GPR157: variants seen among roughly 807,000 people sequenced by gnomAD.
GPR157 encodes the protein G protein-coupled receptor 157.
In GPR157, 16 loss-of-function variants were observed where a neutral mutation model predicts 23.5. That is an observed-to-expected ratio of 0.68 (90% CI 0.46 to 1.04). GPR157 has a LOEUF of 1.04. Among genes scored for constraint, GPR157 ranks in the 50% least tolerant of loss-of-function variants. The pLI, the probability that GPR157 is intolerant of heterozygous loss-of-function variation, is 0.00. For synonymous variants in GPR157, 200 were observed against 221.5 expected (o/e 0.90, Z 0.86); for missense variants, 440 against 460.7 (o/e 0.96, Z 0.41).
At chr1:9,124,219 C>G (rs972151131) in intron 1 of GPR157, among the ~76,000 whole-genome samples, 1 of 152,122 alleles carries the variant, frequency 6.6e-6, no homozygotes, top group Non-Finnish European at 1.5e-5. Context: ...GAGTCTTGGA[C>G]TGGGTCAGAA....
chr1:9,123,567 A>C (rs1302852831), intron 1 of GPR157, among the ~76,000 whole-genome samples: 1 of 79,266 alleles, frequency 1.3e-5, no homozygotes, highest in Non-Finnish European at 2.4e-5. Flanking sequence ...ATATTTAAAT[A>C]TATTTTAAAT....
intron 1 of GPR157, among the ~76,000 whole-genome samples, chr1:9,121,657 A>T (rs1180872163): frequency 3.3e-5 from 5 of 152,142 alleles, no homozygotes. Flanking sequence ...ACAAACAAAA[A>T]ACAAATTAGA....
At chr1:9,121,071 G>GCCTGTAATC (rs1222754277) in intron 1 of GPR157, among the ~76,000 whole-genome samples, 6 of 151,884 alleles carry the variant, frequency 4.0e-5, no homozygotes, top group South Asian at 2.1e-4. Context: ...GGTGGCTCAC[G>GCCTGTAATC]CCTGTAATCC....
chr1:9,114,636 T>C (rs1022307333), intron 1 of GPR157, among the ~76,000 whole-genome samples: 9 of 152,218 alleles, frequency 5.9e-5, no homozygotes, highest in Non-Finnish European at 1.0e-4. Context: ...AACCGCACTC[T>C]GTAACTTTAG....
In GPR157 at chr1:9,111,377, G is replaced by T. The variant is rs1638490871; in HGVS notation, c.496C>A (p.His166Asn). 1.2e-6 allele frequency: 2 copies of T among 1,614,114 alleles called. No homozygotes were observed. The highest frequency in any genetic ancestry group is 1.7e-5 in the Admixed American group (1 of 60,008). The part of the protein sequence containing the change: ...WCWIDLEAKD[H>N]VLWMLLTGKL... Reference sequence around the variant, plus strand: ...CCCGTCAGCAGCATCCACAGGACATGGTCCTTGGCCTCCAGGTCGATCCAG... The same window carrying T: ...CCCGTCAGCAGCATCCACAGGACATTGTCCTTGGCCTCCAGGTCGATCCAG... Residue 166 changes from histidine (H) to asparagine (N), a missense_variant, in exon 2 of 4, where the codon CAT becomes AAT. Transcript: ENST00000377411.
rs137948593 is a variant in GPR157, at chr1:9,105,677, T to A, written c.601A>T (p.Thr201Ser). 1 of 1,606,312 alleles carries A rather than the reference T, an allele frequency of 6.2e-7. No homozygotes were observed. Among genetic ancestry groups the A allele is most frequent in the Non-Finnish European group, 8.5e-7 (1 of 1,175,900 alleles). Residue 201 changes from threonine to serine, a missense_variant, in exon 3 of 4, where the codon ACG becomes TCG. Thr to Ser is a moderately conservative substitution (Grantham distance 58). Transcript: ENST00000377411. The surrounding 1 kb of genome is among the most constrained non-coding windows in gnomAD (Gnocchi z 4.8). ...ATGGGCCGGTACTCAGAGAGTGCCG[T>A]GTGCTGTGTGGGGACAGCGAGGGCA... ...LVRKHINRAH[T>S]ALSEYRPILS...
Position 9,103,051 on chromosome 1 carries a change from T to C in GPR157, c.*1368A>G, listed in dbSNP as rs1224778611. The C allele has an allele frequency of 2.9e-5, 4 of 137,468 alleles. No individual in the cohort carries two copies. Among genetic ancestry groups the C allele is most frequent in the African/African-American group, 8.3e-5 (3 of 36,202 alleles). The allele number at this position is 137,468 out of a possible 1,614,324, so 8.5% of individuals were successfully genotyped here. A position where few individuals can be genotyped will look rare whatever the true frequency, so the allele number is the denominator to read the frequency against. ...TCTCAGCCTCCTGAGTAGTAGGGACTACAGGCACGCACCACCACATCAGCT... is the reference window on the plus strand; with the variant it reads ...TCTCAGCCTCCTGAGTAGTAGGGACCACAGGCACGCACCACCACATCAGCT... On this transcript the variant is annotated 3_prime_UTR_variant, in exon 4 of 4. Coordinates refer to ENST00000377411, the MANE Select transcript of GPR157 (RefSeq NM_024980.5).
In GPR157 at chr1:9,104,071, T is replaced by C. The variant is rs773260387; in HGVS notation, c.*348A>G. 3 of 249,804 alleles carry C rather than the reference T, an allele frequency of 1.2e-5. No homozygotes were observed. The highest frequency in any genetic ancestry group is 2.4e-5 in the Non-Finnish European group (3 of 127,002). 15.5% of individuals were successfully genotyped at this position (249,804 alleles called of 1,614,324 possible). ...GGATAGGTGCACAGATGTGGGTCCC[T>C]CAGATTGTAAACAGTGCTGTGTGGT... On this transcript the variant is annotated 3_prime_UTR_variant, in exon 4 of 4. Transcript: ENST00000377411.
chr1:9,116,701 G>A (rs187730646), intron 1 of GPR157, among the ~76,000 whole-genome samples: 1 of 149,140 alleles, frequency 6.7e-6, no homozygotes. Context: ...CCAAGATCGT[G>A]CCACTGCACT....
chr1:9,107,104 GTTCC>G (rs1638360307), intron 2 of GPR157, among the ~76,000 whole-genome samples: 1 of 152,056 alleles, frequency 6.6e-6, no homozygotes, highest in Admixed American at 6.6e-5. Flanking sequence ...ATTCACCCTT[GTTCC>G]TTGGGCTTAT....
intron 2 of GPR157, chr1:9,111,055 C>G (rs1638478084): frequency 1.6e-6 from 1 of 606,542 alleles, no homozygotes; most frequent in Non-Finnish European, 3.0e-6. Context: ...GTAACAGGAC[C>G]CGGCTCCTAA....
chr1:9,126,246 AC>A (rs1376487596), intron 1 of GPR157, among the ~76,000 whole-genome samples: 1 of 152,206 alleles, frequency 6.6e-6, no homozygotes, highest in Non-Finnish European at 1.5e-5. Context: ...GGCATGAGCC[AC>A]CGTGCCCAAC....
In GPR157 at chr1:9,116,340, T is replaced by TATATAATTATA. The variant is rs1165282177; in HGVS notation, c.384-4852_384-4851insTATAATTATAT. 7.2e-3 allele frequency among the ~76,000 whole-genome samples: 119 copies of TATATAATTATA among 16,418 alleles called. 19 individuals carry two copies. In the East Asian group the frequency reaches 0.16, roughly 23 times the overall value. 10.8% of individuals were successfully genotyped at this position (16,418 alleles called of 152,430 possible). On this transcript the variant is annotated intron_variant, in intron 1 of 3. Coordinates refer to ENST00000377411, the MANE Select transcript of GPR157 (RefSeq NM_024980.5). ...ATAATATATATAAATTATATATAAT[T>TATATAATTATA]TATATATAATTATATATAAATTATA...
chr1:9,118,655 T>TA lies in GPR157; in HGVS notation c.384-7167dup, dbSNP rs1638736139. Among the ~76,000 whole-genome samples the TA allele has an allele frequency of 6.6e-6, 1 of 152,174 alleles. No individual in the cohort carries two copies. The highest frequency in any genetic ancestry group is 1.5e-5 in the Non-Finnish European group (1 of 68,028). Reference sequence around the variant, plus strand: ...TCCCCAGAACCTCAGAATGTGAGTGTATTTGAGAGATAGGGTCTTTCAAGA... The same window carrying TA: ...TCCCCAGAACCTCAGAATGTGAGTGTAATTTGAGAGATAGGGTCTTTCAAGA... On this transcript the variant is annotated intron_variant, in intron 1 of 3. Coordinates refer to ENST00000377411, the MANE Select transcript of GPR157 (RefSeq NM_024980.5). This position sits in a 1 kb window ranked among gnomAD's most constrained non-coding sequence, Gnocchi z 4.6.
At position 9,105,646 on chromosome 1, in the gene GPR157, G is replaced by A. The variant is rs1178725287; in HGVS notation, c.632C>T (p.Ser211Phe). Reference protein sequence around the residue: ...TALSEYRPILSQEHRLLRHSS... With the variant: ...TALSEYRPILFQEHRLLRHSS... ...GTGGCGCAGCAGGCGGTGCTCCTGG[G>A]AGAGGATGGGCCGGTACTCAGAGAG... is the stretch of plus-strand genomic sequence containing the variant. The change falls in exon 3 of 4, where the codon TCC (serine) becomes TTC (phenylalanine). Residue 211 changes from serine to phenylalanine, a missense_variant. Ser to Phe is a radical substitution (Grantham distance 155, BLOSUM62 -2). Coordinates refer to ENST00000377411, the MANE Select transcript of GPR157 (RefSeq NM_024980.5). This position sits in a 1 kb window ranked among gnomAD's most constrained non-coding sequence, Gnocchi z 4.8. 11 of 1,612,776 alleles carry A rather than the reference G, an allele frequency of 6.8e-6. No homozygotes were observed. Among genetic ancestry groups the A allele is most frequent in the Non-Finnish European group, 9.3e-6 (11 of 1,179,626 alleles).
chr1:9,123,081 G>C (rs1170190650), intron 1 of GPR157, among the ~76,000 whole-genome samples: 3 of 149,708 alleles, frequency 2.0e-5, no homozygotes, highest in African/African-American at 7.4e-5. Flanking sequence ...ACTTGAACAC[G>C]GGAGGTGGAG....
At position 9,116,182 on chromosome 1, in the gene GPR157, A is replaced by ATATTATATATAT. The variant is rs1638636514; in HGVS notation, c.384-4694_384-4693insATATATATAATA. Among the ~76,000 whole-genome samples, 18 of 5,532 alleles carry ATATTATATATAT rather than the reference A, an allele frequency of 3.3e-3. 1 individual carries two copies. The highest frequency in any genetic ancestry group is 0.016 in the African/African-American group (13 of 794). The allele number at this position is 5,532 out of a possible 152,430, so 3.6% of individuals were successfully genotyped here. On this transcript the variant is annotated intron_variant, in intron 1 of 3. Coordinates refer to ENST00000377411, the MANE Select transcript of GPR157 (RefSeq NM_024980.5). ...TATATATAATATAATTATATATATTATATATATAATATAATTATATATATA... is the reference window on the plus strand; with the variant it reads ...TATATATAATATAATTATATATATTATATTATATATATTATATATAATATAATTATATATATA...
At chr1:9,104,672 G>A (rs937200422) in intron 3 of GPR157, 38 bp from the exon 4 acceptor site, 1 of 1,483,562 alleles carries the variant, frequency 6.7e-7, no homozygotes, top group African/African-American at 1.4e-5. Context: ...TGGGGCTGGA[G>A]TTGGTCTCAG....
At chr1:9,127,935 C>A (rs1041599977) in intron 1 of GPR157, among the ~76,000 whole-genome samples, 1 of 152,116 alleles carries the variant, frequency 6.6e-6, no homozygotes, top group East Asian at 1.9e-4. Flanking sequence ...ACTTGAAAGA[C>A]GCTTGAATCG....
Sources: allele counts gnomAD v4.1 joint callset (sites outside exome capture counted in the v4.1 genomes callset), GRCh38; gene constraint gnomAD v4.1.1; non-coding constraint Gnocchi (gnomAD v3.1); transcripts MANE v1.5; gene names NCBI Gene and HGNC (gene_info 2026-07-23, HGNC 2026-07-21).